The following EFCAB13 variants were observed in gnomAD, a reference collection of about 807,000 sequenced individuals.
EFCAB13 encodes the protein EF-hand calcium-binding domain-containing protein 13.
In EFCAB13, 91 loss-of-function variants were observed where a neutral mutation model predicts 110.2. That is an observed-to-expected ratio of 0.83 (90% confidence interval 0.70 to 0.98). The LOEUF (loss-of-function observed/expected upper bound fraction) is 0.98. Ranked by LOEUF, EFCAB13 falls within the 50% of genes least tolerant of loss-of-function variation. The pLI is 0.00. For synonymous variants in EFCAB13, 323 were observed against 369.9 expected, an observed-to-expected ratio of 0.87 and a Z score of 1.45; for missense variants, 968 against 1,119.4, an observed-to-expected ratio of 0.86 and a Z score of 1.93.
At position 47,331,905 on chromosome 17, in the gene EFCAB13, A is replaced by C. The variant is rs576789370; in HGVS notation, c.31-3291A>C. ...ATGTATTTTCAAGGCTTGATAGCTC[A>C]CTTCTTTTTAGCACTAAATAATATC... is the stretch of plus-strand genomic sequence containing the variant. On this transcript the variant is annotated intron_variant, in intron 4 of 24. Transcript: ENST00000331493. Among the ~76,000 whole-genome samples the C allele has an allele frequency of 2.5e-3, 381 of 152,274 alleles. 4 individuals carry two copies. The highest frequency in any genetic ancestry group is 9.0e-3 in the African/African-American group (372 of 41,564).
chr17:47,384,488 C>CT lies in EFCAB13; in HGVS notation c.1582+5237dup, dbSNP rs1278198615. Among the ~76,000 whole-genome samples, 84 of 151,500 alleles carry CT rather than the reference C, an allele frequency of 5.5e-4. No individual in the cohort carries two copies. In the East Asian group the frequency reaches 0.013, roughly 23 times the overall value. ...TTTCTTATATTAAGAAAGTTTTTCCCTTCTTAATATTTAGTGCTTCCTTCA... is the reference window on the plus strand; with the variant it reads ...TTTCTTATATTAAGAAAGTTTTTCCCTTTCTTAATATTTAGTGCTTCCTTCA... On this transcript the variant is annotated intron_variant, in intron 14 of 24. Coordinates refer to ENST00000331493, the MANE Select transcript of EFCAB13 (RefSeq NM_152347.5).
chr17:47,326,210 A>C lies in EFCAB13; in HGVS notation c.-247-16A>C, dbSNP rs1181368457. On this transcript the variant is annotated splice_polypyrimidine_tract_variant and intron_variant, in intron 2 of 24. Coordinates refer to ENST00000331493, the MANE Select transcript of EFCAB13 (RefSeq NM_152347.5). ...TTACAGGGAATAGACTTTCTAAGTT[A>C]ATTTTTTCTTTTAAGTTTGGAGAGG... The C allele has an allele frequency of 4.6e-5, 7 of 152,044 alleles. No homozygotes were observed. Among genetic ancestry groups the C allele is most frequent in the Non-Finnish European group, 2.9e-5 (2 of 67,970 alleles). 9.4% of individuals were successfully genotyped at this position (152,044 alleles called of 1,614,324 possible).
At chr17:47,402,257 CTTTTGT>C (rs1013004371) in intron 18 of EFCAB13, 54 bp downstream of exon 18, 15 of 1,534,868 alleles carry the variant, frequency 9.8e-6, no homozygotes, top group Admixed American at 1.7e-5. Context: ...AAAGGACTTG[CTTTTGT>C]TTTTGTTTTT....
chr17:47,389,450 A>C (rs1309502158), intron 14 of EFCAB13, among the ~76,000 whole-genome samples: 1 of 152,188 alleles, frequency 6.6e-6, no homozygotes, highest in Non-Finnish European at 1.5e-5. Flanking sequence ...ATATTCACTC[A>C]GCAGCCACTT....
At chr17:47,367,400 A>G (rs548068854) in intron 10 of EFCAB13, among the ~76,000 whole-genome samples, 1 of 152,312 alleles carries the variant, frequency 6.6e-6, no homozygotes, top group South Asian at 2.1e-4. Flanking sequence ...GAGGGGCAGG[A>G]TGGCTGGGCC....
intron 9 of EFCAB13, among the ~76,000 whole-genome samples, chr17:47,353,414 C>A (rs1246155058): frequency 6.6e-6 from 1 of 152,006 alleles, no homozygotes; most frequent in East Asian, 1.9e-4. Flanking sequence ...CCTGCCTCAG[C>A]CTCCCAAGTA....
intron 10 of EFCAB13, 81 bp downstream of exon 10, chr17:47,361,602 G>A (rs1171033891): frequency 4.8e-6 from 6 of 1,259,038 alleles, no homozygotes; most frequent in Non-Finnish European, 6.6e-6. Flanking sequence ...TCAATTTTGT[G>A]ATCTGTCCTT....
At chr17:47,366,206 G>A (rs1217238820) in intron 10 of EFCAB13, among the ~76,000 whole-genome samples, 1 of 152,066 alleles carries the variant, frequency 6.6e-6, no homozygotes, top group Non-Finnish European at 1.5e-5. Flanking sequence ...GTCCAAGGAG[G>A]ATTTGCTTTA....
intron 2 of EFCAB13, among the ~76,000 whole-genome samples, chr17:47,325,263 C>T (rs1029155659): frequency 6.6e-6 from 1 of 151,592 alleles, no homozygotes; most frequent in Non-Finnish European, 1.5e-5. Context: ...AGCCCTCCTG[C>T]TTAGACCCCC....
intron 5 of EFCAB13, among the ~76,000 whole-genome samples, chr17:47,335,973 G>C (rs1287294279): frequency 6.6e-6 from 1 of 152,168 alleles, no homozygotes; most frequent in Non-Finnish European, 1.5e-5. Context: ...CTATAAGTAA[G>C]CTATAAGCTA....
At chr17:47,379,343 A>T in intron 14 of EFCAB13, 90 bp downstream of exon 14, 1 of 988,998 alleles carries the variant, frequency 1.0e-6, no homozygotes, top group South Asian at 1.3e-5. Context: ...TTGCTTTTGG[A>T]TGGATACTTA....
At chr17:47,351,902 T>G (rs1053596363) in intron 9 of EFCAB13, among the ~76,000 whole-genome samples, 12 of 141,520 alleles carry the variant, frequency 8.5e-5, no homozygotes, top group Non-Finnish European at 1.4e-4. Flanking sequence ...TCATGTAGTT[T>G]TTTTTTTTTT....
At chr17:47,365,399 A>G (rs921201397) in intron 10 of EFCAB13, among the ~76,000 whole-genome samples, 6 of 152,190 alleles carry the variant, frequency 3.9e-5, no homozygotes, top group Non-Finnish European at 8.8e-5. Flanking sequence ...TGACCAGGAA[A>G]ATAATCTTAA....
At position 47,410,843 on chromosome 17, in the gene EFCAB13, C is replaced by T. The variant is rs570548444; in HGVS notation, c.2278+1152C>T. Among the ~76,000 whole-genome samples the T allele has an allele frequency of 2.6e-3, 397 of 152,318 alleles. 4 individuals carry two copies. Among genetic ancestry groups the T allele is most frequent in the African/African-American group, 9.3e-3 (388 of 41,564 alleles). ...CTCCATGAGTCAATTATAGAAAAGC[C>T]TATCATCAGTGGCTAGTATAGGTCA... On this transcript the variant is annotated intron_variant, in intron 21 of 24. Transcript: ENST00000331493.
At chr17:47,347,272 T>G (rs2065422514) in intron 8 of EFCAB13, among the ~76,000 whole-genome samples, 1 of 152,186 alleles carries the variant, frequency 6.6e-6, no homozygotes, top group Admixed American at 6.5e-5. Flanking sequence ...AGAGAAACTC[T>G]GGCTCTAAAA....
chr17:47,340,522 A>T (rs1355104024), intron 5 of EFCAB13, among the ~76,000 whole-genome samples: 1 of 152,156 alleles, frequency 6.6e-6, no homozygotes, highest in Non-Finnish European at 1.5e-5. Flanking sequence ...ACAAAAAAAG[A>T]AATATTCTAG....
At position 47,347,906 on chromosome 17, in the gene EFCAB13, A is replaced by C; in HGVS notation, c.616A>C (p.Ser206Arg). 3 of 1,541,286 alleles carry C rather than the reference A, an allele frequency of 1.9e-6. 1 individual carries two copies. In the South Asian group the frequency reaches 3.9e-5, roughly 20 times the overall value. ...CCTTTGCATCTTGAGAATTTCTATA[A>C]GTGATTTAGAAATGCGACAGGCACT... The part of the protein sequence containing the change: ...VILCILRISI[S>R]DLEMRQALKT... The change falls in exon 9 of 25, where the codon AGT becomes CGT. Residue 206 changes from serine (S) to arginine (R), a missense_variant. Physicochemically the swap from Ser to Arg is moderately radical, Grantham distance 110. Coordinates refer to ENST00000331493, the MANE Select transcript of EFCAB13 (RefSeq NM_152347.5).
rs1346864960 is a variant in EFCAB13 at position 47,420,932 on chromosome 17, C to T, written c.2494+6013C>T. 2.0e-5 allele frequency among the ~76,000 whole-genome samples: 3 copies of T among 150,516 alleles called. No homozygotes were observed. In the East Asian group the frequency reaches 6.0e-4, roughly 30 times the overall value. ...GAGGGGCGCCTCTGCCCAGCCGCCC[C>T]TACTGGGAAGTGAGGAGCCCCTCTG... On this transcript the variant is annotated intron_variant, in intron 23 of 24. Coordinates refer to ENST00000331493, the MANE Select transcript of EFCAB13 (RefSeq NM_152347.5).
intron 23 of EFCAB13, among the ~76,000 whole-genome samples, chr17:47,424,386 CG>C (rs1299588759): frequency 6.6e-6 from 1 of 152,108 alleles, no homozygotes; most frequent in Admixed American, 6.5e-5. Flanking sequence ...TAGTTCCCAG[CG>C]TGAGGAAAAT....
Sources: gnomAD v4.1 joint callset for allele counts (sites outside exome capture counted in the v4.1 genomes callset) on GRCh38, gnomAD v4.1.1 for gene constraint, MANE v1.5 for transcripts, NCBI Gene and HGNC (gene_info 2026-07-23, HGNC 2026-07-21) for gene names.